The following VTCN1 variants were observed in gnomAD, a reference collection of about 807,000 sequenced individuals.
VTCN1 encodes V-set domain containing T cell activation inhibitor 1.
A neutral mutation model predicts 26.5 loss-of-function variants in VTCN1; 26 were observed. That is an observed-to-expected ratio of 0.98 (90% CI 0.72 to 1.36). The LOEUF (loss-of-function observed/expected upper bound fraction) is 1.36. Ranked by LOEUF, VTCN1 falls within the 40% of genes most tolerant of loss-of-function variation. The pLI, the probability that VTCN1 is intolerant of heterozygous loss-of-function variation, is 0.00. For missense variants in VTCN1, 298 were observed against 337.7 expected (o/e 0.88, Z 0.92); for synonymous variants, 116 against 130.7 (o/e 0.89, Z 0.77).
At chr1:117,188,237 G>C (rs925397878) in intron 1 of VTCN1, among the ~76,000 whole-genome samples, 2 of 152,170 alleles carry the variant, frequency 1.3e-5, no homozygotes, top group Admixed American at 1.3e-4. Context: ...GAGAAGGAGA[G>C]AGACGGACAG....
In VTCN1 at chr1:117,156,750, A is replaced by G; in HGVS notation, c.269T>C (p.Leu90Pro). ...TCTGAACATTTCATCCTGCTCCGAC[A>G]GCTCATCTTTGCCTTCTTTGAACTC... ...VHEFKEGKDE[L>P]SEQDEMFRGR... Residue 90 changes from leucine (L) to proline (P), a missense_variant, in exon 3 of 6, where the codon CTG (leucine) becomes CCG (proline). Transcript: ENST00000369458. The G allele has an allele frequency of 6.2e-7, 1 of 1,614,182 alleles. No homozygotes were observed. Among genetic ancestry groups the G allele is most frequent in the Non-Finnish European group, 8.5e-7 (1 of 1,180,010 alleles).
chr1:117,188,379 G>C (rs759308705), intron 1 of VTCN1, among the ~76,000 whole-genome samples: 5 of 152,140 alleles, frequency 3.3e-5, no homozygotes, highest in Non-Finnish European at 7.4e-5. Flanking sequence ...GAATAACCGG[G>C]AGAGGGAACT....
In VTCN1 at chr1:117,147,214, C is replaced by T. The variant is rs981920703; in HGVS notation, c.*45+399G>A. 6.6e-5 allele frequency among the ~76,000 whole-genome samples: 10 copies of T among 152,092 alleles called. No individual in the cohort carries two copies. The highest frequency in any genetic ancestry group is 2.2e-4 in the African/African-American group (9 of 41,396). ...AGTTGGTGAGTCATCTGCCAACTGT[C>T]CACAGGGGCCGGCTGGAAGGGCAGG... On this transcript the variant is annotated intron_variant, in intron 5 of 5. Coordinates refer to ENST00000369458, the MANE Select transcript of VTCN1 (RefSeq NM_024626.4). The surrounding 1 kb of genome is among the most constrained non-coding windows in gnomAD (Gnocchi z 4.6).
rs145781640 is a variant in VTCN1 at position 117,174,111 on chromosome 1, G to C, written c.33-3940C>G. ...ATGAAAAAAATATTTCACTTCAGGG[G>C]TTCTTACATTGCTTTCTGATCTTTG... On this transcript the variant is annotated intron_variant, in intron 1 of 5. Transcript: ENST00000369458. Among the ~76,000 whole-genome samples, 615 of 152,248 alleles carry C rather than the reference G, an allele frequency of 4.0e-3. 1 individual carries two copies. Among genetic ancestry groups the C allele is most frequent in the Middle Eastern group, 0.017 (5 of 294 alleles).
intron 4 of VTCN1, among the ~76,000 whole-genome samples, chr1:117,151,418 T>C (rs576406814): frequency 4.6e-5 from 7 of 152,244 alleles, no homozygotes; most frequent in South Asian, 4.1e-4. Context: ...GCAAGATTTA[T>C]TGTGAACAGC....
At chr1:117,151,543 C>A (rs1404591502) in intron 4 of VTCN1, among the ~76,000 whole-genome samples, 2 of 152,082 alleles carry the variant, frequency 1.3e-5, no homozygotes, top group Non-Finnish European at 2.9e-5. Flanking sequence ...CCTATTGGTC[C>A]ATTTTACAGA....
chr1:117,196,424 A>G (rs1648514198), intron 1 of VTCN1, among the ~76,000 whole-genome samples: 1 of 150,488 alleles, frequency 6.6e-6, no homozygotes, highest in African/African-American at 2.5e-5. Flanking sequence ...AGAGAGAGAG[A>G]CGGAAAAAAA....
chr1:117,194,271 G>A (rs1334770814), intron 1 of VTCN1, among the ~76,000 whole-genome samples: 1 of 151,986 alleles, frequency 6.6e-6, no homozygotes, highest in South Asian at 2.1e-4. Context: ...ATGAAAAGGT[G>A]GTCAACATCA....
rs1331600523 is a variant in VTCN1, at chr1:117,159,144, T to C, written c.98-2223A>G. Among the ~76,000 whole-genome samples, 3 of 152,230 alleles carry C rather than the reference T, an allele frequency of 2.0e-5. No homozygotes were observed. The highest frequency in any genetic ancestry group is 2.1e-4 in the South Asian group (1 of 4,834). The stretch of plus-strand genomic sequence containing the variant: ...CTCTGCCTGTTACCCAGTTCCAAAG[T>C]TGCTTCCACATTTTTGGGTATCTTT... On this transcript the variant is annotated intron_variant, in intron 2 of 5. Coordinates refer to ENST00000369458, the MANE Select transcript of VTCN1 (RefSeq NM_024626.4). The surrounding 1 kb of genome is among the most constrained non-coding windows in gnomAD (Gnocchi z 4.7).
Position 117,183,382 on chromosome 1 carries a change from A to G in VTCN1, c.33-13211T>C, listed in dbSNP as rs987587988. 6.6e-6 allele frequency among the ~76,000 whole-genome samples: 1 copy of G among 152,256 alleles called. No individual in the cohort carries two copies. The highest frequency in any genetic ancestry group is 1.5e-5 in the Non-Finnish European group (1 of 68,050). ...TGAATTAATGAATAAATAAATATCC[A>G]TGCTGTGCTACTGAGAGAAACTAAC... On this transcript the variant is annotated intron_variant, in intron 1 of 5. Transcript: ENST00000369458. The surrounding 1 kb of genome is among the most constrained non-coding windows in gnomAD (Gnocchi z 4.1).
At position 117,150,326 on chromosome 1, in the gene VTCN1, G is replaced by A. The variant is rs544807429; in HGVS notation, c.725-2544C>T. 1.4e-4 allele frequency among the ~76,000 whole-genome samples: 21 copies of A among 152,286 alleles called. No individual in the cohort carries two copies. The East Asian group carries it at 3.9e-3, about 28-fold the overall frequency. ...CTTGGCAATCACGTCTTGCCATATG[G>A]ACTAAAACAAGAGAGTAAAGAGAGA... On this transcript the variant is annotated intron_variant, in intron 4 of 5. Transcript: ENST00000369458.
chr1:117,190,354 T>C (rs1186944619), intron 1 of VTCN1, among the ~76,000 whole-genome samples: 1 of 152,212 alleles, frequency 6.6e-6, no homozygotes, highest in Non-Finnish European at 1.5e-5. Context: ...CATCCATGTC[T>C]GCAGAGGTAG....
At position 117,167,090 on chromosome 1, in the gene VTCN1, C is replaced by CAAA. The variant is rs61603048; in HGVS notation, c.97+3014_97+3016dup. Among the ~76,000 whole-genome samples the CAAA allele has an allele frequency of 1.9e-5, 2 of 107,510 alleles. No individual in the cohort carries two copies. Among genetic ancestry groups the CAAA allele is most frequent in the Non-Finnish European group, 4.3e-5 (2 of 46,222 alleles). The allele number at this position is 107,510 out of a possible 152,430, so 70.5% of individuals were successfully genotyped here. On this transcript the variant is annotated intron_variant, in intron 2 of 5. Coordinates refer to ENST00000369458, the MANE Select transcript of VTCN1 (RefSeq NM_024626.4). This position sits in a 1 kb window ranked among gnomAD's most constrained non-coding sequence, Gnocchi z 4.1. ...CCTGAGCGACAGAGCAAGACTGTCT[C>CAAA]AAAAAAAAAAAAAAGAATATATATG...
At chr1:117,174,322 A>C (rs1653084787) in intron 1 of VTCN1, among the ~76,000 whole-genome samples, 1 of 152,212 alleles carries the variant, frequency 6.6e-6, no homozygotes, top group Admixed American at 6.5e-5. Flanking sequence ...AGTACTTACT[A>C]TGTGAAAGAC....
intron 2 of VTCN1, among the ~76,000 whole-genome samples, chr1:117,163,062 C>T (rs1011789275): frequency 3.3e-5 from 5 of 152,164 alleles, no homozygotes; most frequent in South Asian, 4.1e-4. Flanking sequence ...CTTACAAGGT[C>T]GAAATGCAAA....
intron 4 of VTCN1, among the ~76,000 whole-genome samples, chr1:117,150,483 G>A (rs1322709185): frequency 5.9e-5 from 9 of 152,126 alleles, no homozygotes; most frequent in Non-Finnish European, 1.0e-4. Flanking sequence ...TTCCCTTTCA[G>A]ACTAGATTTA....
chr1:117,206,534 G>A (rs1191819100), intron 1 of VTCN1, among the ~76,000 whole-genome samples: 4 of 152,152 alleles, frequency 2.6e-5, no homozygotes, highest in Non-Finnish European at 5.9e-5. Context: ...AATGTTCATG[G>A]TGGCACAAGG....
At chr1:117,164,410 T>C (rs950155449) in intron 2 of VTCN1, among the ~76,000 whole-genome samples, 1 of 152,144 alleles carries the variant, frequency 6.6e-6, no homozygotes, top group Admixed American at 6.5e-5. Flanking sequence ...CAGGTTTTGT[T>C]TGTAACAATT....
chr1:117,152,227 T>A (rs886483850), intron 4 of VTCN1, among the ~76,000 whole-genome samples: 1 of 152,204 alleles, frequency 6.6e-6, no homozygotes, highest in Non-Finnish European at 1.5e-5. Context: ...TGGGTTCATA[T>A]GTATAATTTC....
Sources: gnomAD v4.1 joint callset for allele counts (sites outside exome capture counted in the v4.1 genomes callset) on GRCh38, gnomAD v4.1.1 for gene constraint, Gnocchi (gnomAD v3.1) non-coding constraint, MANE v1.5 for transcripts, NCBI Gene and HGNC (gene_info 2026-07-23, HGNC 2026-07-21) for gene names.